The following SYTL2 variants were observed in gnomAD, a reference collection of about 807,000 sequenced individuals.
The protein encoded by SYTL2 is synaptotagmin-like protein 2.
SYTL2 carries 165 observed loss-of-function variants against 198.7 expected under a neutral mutation model. The observed-to-expected ratio is 0.83, with a 90% confidence interval of 0.73 to 0.94. The LOEUF (loss-of-function observed/expected upper bound fraction) is 0.94. Among genes scored for constraint, SYTL2 ranks in the 40% least tolerant of loss-of-function variants. The pLI, the probability that SYTL2 is intolerant of heterozygous loss-of-function variation, is 0.00. For missense variants in SYTL2, 2,835 were observed against 2,582.8 expected (o/e 1.10, Z -2.12); for synonymous variants, 966 against 917.7 (o/e 1.05, Z -0.95).
In SYTL2 at chr11:85,695,485, G is replaced by A. The variant is rs577505037; in HGVS notation, c.6575-145C>T. ...AGGGCAGATGTGAGACTCAACATAA[G>A]GAAGAACTGTTCAATTGTCTGAGTG... On this transcript the variant is annotated intron_variant, in intron 19 of 19. Coordinates refer to ENST00000359152, the MANE Select transcript of SYTL2 (RefSeq NM_206927.4). 7.1e-6 allele frequency: 4 copies of A among 559,526 alleles called. No homozygotes were observed. In the Admixed American group the frequency reaches 1.0e-4, roughly 14 times the overall value. The allele number at this position is 559,526 out of a possible 1,614,324, so 34.7% of individuals were successfully genotyped here. A position where few individuals can be genotyped will look rare whatever the true frequency, so the allele number is the denominator to read the frequency against.
At chr11:85,846,747 T>C in the SYTL2 span, among the ~76,000 whole-genome samples, 1 of 151,492 alleles carries the variant, frequency 6.6e-6, no homozygotes, top group Non-Finnish European at 1.5e-5. Flanking sequence ...TTTTTTTTTT[T>C]TTTTGAGATG....
intron 7 of SYTL2, among the ~76,000 whole-genome samples, chr11:85,730,307 C>G (rs1364132831): frequency 6.6e-6 from 1 of 152,172 alleles, no homozygotes; most frequent in Non-Finnish European, 1.5e-5. Context: ...AAATTTCAGA[C>G]CAATATCCCT....
Position 85,724,844 on chromosome 11 carries a change from A to G in SYTL2, c.4514T>C (p.Leu1505Pro). ...GGGGAAGGTTTCAGTTTCTTCCTTC[A>G]GTAGTTTTTCTAAGCCAGCACTGAA... ...LEFSAGLEKL[L>P]KEETETFPSK... The change falls in exon 8 of 20, where the codon CTG becomes CCG. Residue 1505 changes from leucine (L) to proline (P), a missense_variant. Physicochemically the swap from Leu to Pro is moderately conservative, Grantham distance 98. This residue lies in a region of SYTL2 where 2,645 missense variants were observed against 2,381.7 expected (regional missense o/e 1.11). Transcript: ENST00000359152. 6.2e-7 allele frequency: 1 copy of G among 1,613,626 alleles called. No homozygotes were observed. Among genetic ancestry groups the G allele is most frequent in the Non-Finnish European group, 8.5e-7 (1 of 1,179,920 alleles).
intron 13 of SYTL2, 101 bp from the exon 14 acceptor site, chr11:85,709,601 G>T: frequency 8.9e-7 from 1 of 1,125,488 alleles, no homozygotes; most frequent in Non-Finnish European, 1.3e-6. Context: ...TCTTTAGCTT[G>T]CTTATAAAAG....
intron 2 of SYTL2, among the ~76,000 whole-genome samples, chr11:85,755,538 A>G (rs1364844048): frequency 6.6e-6 from 1 of 152,138 alleles, no homozygotes; most frequent in Non-Finnish European, 1.5e-5. Context: ...TGCAACACCA[A>G]CACTAGGAAG....
chr11:85,722,759 T>A (rs1488429194), intron 8 of SYTL2, among the ~76,000 whole-genome samples: 1 of 152,054 alleles, frequency 6.6e-6, no homozygotes, highest in African/African-American at 2.4e-5. Context: ...TAGAGATTTA[T>A]AAATAAATAT....
At chr11:85,755,818 A>C (rs751289388) in intron 2 of SYTL2, among the ~76,000 whole-genome samples, 2 of 152,148 alleles carry the variant, frequency 1.3e-5, no homozygotes, top group Non-Finnish European at 2.9e-5. Context: ...TAAGCTGACT[A>C]TCTAGAGGGG....
chr11:85,806,288 T>C (rs2092957957), intron 1 of SYTL2, among the ~76,000 whole-genome samples: 1 of 152,190 alleles, frequency 6.6e-6, no homozygotes. Flanking sequence ...GCTCCCTTTT[T>C]CCTTCTCTTT....
In SYTL2 at chr11:85,787,374, T is replaced by A. The variant is rs971800044; in HGVS notation, c.-390+23580A>T. Among the ~76,000 whole-genome samples the A allele has an allele frequency of 2.6e-5, 4 of 152,362 alleles. No individual in the cohort carries two copies. In the East Asian group the frequency reaches 7.7e-4, roughly 29 times the overall value. ...CTTCCAGGAACTAGTGCTCACCTCA[T>A]AGCTCAAAATAGCAGCCATTTCTTA... On this transcript the variant is annotated intron_variant, in intron 1 of 19. Coordinates refer to ENST00000359152, the MANE Select transcript of SYTL2 (RefSeq NM_206927.4).
chr11:85,728,107 G>T, intron 7 of SYTL2, 140 bp from the exon 8 acceptor site: 3 of 709,450 alleles, frequency 4.2e-6, no homozygotes, highest in South Asian at 4.7e-5. Context: ...ATTTTTCAGG[G>T]GTTAAAATGT....
intron 1 of SYTL2, among the ~76,000 whole-genome samples, chr11:85,782,244 A>C (rs1319462856): frequency 6.6e-6 from 1 of 152,224 alleles, no homozygotes; most frequent in Admixed American, 6.5e-5. Context: ...CAACCTCTGA[A>C]GTAACAACTT....
rs571798314 is a variant in SYTL2 at position 85,777,729 on chromosome 11, G to T, written c.-389-19615C>A. On this transcript the variant is annotated intron_variant, in intron 1 of 19. Transcript: ENST00000359152. The stretch of plus-strand genomic sequence containing the variant: ...TGGAATCAGGTAGAGGTCCTTAACA[G>T]AGTAGGCTTCAGACACAAGAAGAGT... Among the ~76,000 whole-genome samples, 23 of 148,304 alleles carry T rather than the reference G, an allele frequency of 1.6e-4. 2 individuals carry two copies. The highest frequency in any genetic ancestry group is 1.2e-3 in the Admixed American group (18 of 14,834).
At chr11:85,853,084 G>A in the SYTL2 span, 28 of 265,714 alleles carry the variant, frequency 1.1e-4, no homozygotes, top group Non-Finnish European at 1.6e-4. Context: ...CCGGGAGGTC[G>A]GGGGCGCCTC....
upstream of SYTL2, among the ~76,000 whole-genome samples, chr11:85,811,564 C>T (rs2044393): frequency 0.038 from 5,734 of 152,022 alleles, 175 homozygotes; most frequent in East Asian, 0.098. Context: ...GGGTATGGAG[C>T]CCGGTCATGG....
At chr11:85,774,402 A>G (rs960155745) in intron 1 of SYTL2, among the ~76,000 whole-genome samples, 1 of 152,280 alleles carries the variant, frequency 6.6e-6, no homozygotes, top group East Asian at 1.9e-4. Flanking sequence ...ATTTGAACTC[A>G]GGTCTACCTA....
chr11:85,795,648 C>G (rs555765072), intron 1 of SYTL2, among the ~76,000 whole-genome samples: 4 of 152,112 alleles, frequency 2.6e-5, no homozygotes, highest in Non-Finnish European at 5.9e-5. Flanking sequence ...TAGTAAAAGC[C>G]ACTCCAAACC....
At chr11:85,830,462 T>C in the SYTL2 span, among the ~76,000 whole-genome samples, 1 of 152,186 alleles carries the variant, frequency 6.6e-6, no homozygotes, top group Non-Finnish European at 1.5e-5. Context: ...TCCTAAACCT[T>C]CCATGCAGCA....
intron 12 of SYTL2, 41 bp downstream of exon 12, chr11:85,714,372 C>A: frequency 6.6e-7 from 1 of 1,508,344 alleles, no homozygotes. Context: ...AATTCCAACC[C>A]TCTGTCTCCA....
chr11:85,776,203 C>T (rs1435314305), intron 1 of SYTL2, among the ~76,000 whole-genome samples: 1 of 152,182 alleles, frequency 6.6e-6, no homozygotes, highest in Non-Finnish European at 1.5e-5. Context: ...AAGGTCCTCA[C>T]CAGATATAGA....
Sources: allele counts gnomAD v4.1 joint callset (sites outside exome capture counted in the v4.1 genomes callset), GRCh38; gene constraint gnomAD v4.1.1; regional missense constraint gnomAD v4.1.1; transcripts MANE v1.5; gene names NCBI Gene and HGNC (gene_info 2026-07-23, HGNC 2026-07-21).